ATP10B: variants seen among roughly 807,000 people sequenced by gnomAD.
ATP10B encodes the protein ATPase phospholipid transporting 10B (putative), also known as phospholipid-transporting ATPase VB.
ATP10B carries 122 observed loss-of-function variants against 141.2 expected under a neutral mutation model. The observed-to-expected ratio is 0.86, with a 90% confidence interval of 0.75 to 1.00. The LOEUF is 1.00. Among genes scored for constraint, ATP10B ranks in the 50% least tolerant of loss-of-function variants. ATP10B has a pLI of 0.00. For missense variants in ATP10B, 1,876 were observed against 1,825.3 expected (o/e 1.03, Z -0.51); for synonymous variants, 685 against 692.0 (o/e 0.99, Z 0.16).
chr5:160,759,748 C>T (rs983588230), intron 2 of ATP10B, among the ~76,000 whole-genome samples: 11 of 152,230 alleles, frequency 7.2e-5, no homozygotes, highest in African/African-American at 2.7e-4. Flanking sequence ...ACTTTTCATT[C>T]CTTACATTCC....
At chr5:160,649,491 T>C (rs1760547289) in intron 7 of ATP10B, among the ~76,000 whole-genome samples, 1 of 152,212 alleles carries the variant, frequency 6.6e-6, no homozygotes, top group Non-Finnish European at 1.5e-5. Context: ...CCTGATTGCA[T>C]TTCTCTGACC....
intron 1 of ATP10B, among the ~76,000 whole-genome samples, chr5:160,787,076 A>G (rs1466759749): frequency 1.3e-5 from 2 of 150,050 alleles, no homozygotes; most frequent in Non-Finnish European, 3.0e-5. Context: ...CCATAGCCCA[A>G]ATCCTGCTCC....
intron 1 of ATP10B, among the ~76,000 whole-genome samples, chr5:160,808,793 T>C (rs1772954253): frequency 6.6e-6 from 1 of 152,194 alleles, no homozygotes; most frequent in Admixed American, 6.5e-5. Flanking sequence ...TTTCTAGGGC[T>C]GCCATAACAA....
chr5:160,633,689 T>G (rs377263073), intron 12 of ATP10B: 2 of 158,258 alleles, frequency 1.3e-5, no homozygotes, highest in East Asian at 1.8e-4. Flanking sequence ...ATCCCAGAAC[T>G]TAAAGTATTG....
chr5:160,911,735 G>A, the ATP10B span, among the ~76,000 whole-genome samples: 1 of 152,150 alleles, frequency 6.6e-6, no homozygotes. Context: ...GGGGAAGGGG[G>A]TCATCAGAGG....
chr5:160,680,665 T>A (rs1270939654), intron 6 of ATP10B, among the ~76,000 whole-genome samples: 1 of 152,190 alleles, frequency 6.6e-6, no homozygotes, highest in Admixed American at 6.5e-5. Flanking sequence ...ATCTTATTTT[T>A]AAAAAAACTT....
At chr5:160,590,993 C>G (rs1480717438) in intron 23 of ATP10B, 66 bp downstream of exon 23, 2 of 1,394,530 alleles carry the variant, frequency 1.4e-6, no homozygotes, top group Non-Finnish European at 2.0e-6. Flanking sequence ...TGGTCTGGAA[C>G]TTTATATAAA....
At position 160,640,850 on chromosome 5, in the gene ATP10B, G is replaced by T. The variant is rs541771437; in HGVS notation, c.869-258C>A. Among the ~76,000 whole-genome samples, 25 of 152,330 alleles carry T rather than the reference G, an allele frequency of 1.6e-4. 1 individual carries two copies. In the South Asian group the frequency reaches 5.0e-3, roughly 30 times the overall value. On this transcript the variant is annotated intron_variant, in intron 9 of 25. Transcript: ENST00000327245. ...GAGAGAGCTCCCATGCACAGGCTAT[G>T]CCCTGTACAACTTTAGAGCGTAGCC...
At chr5:160,616,417 G>A (rs1581205923) in intron 16 of ATP10B, among the ~76,000 whole-genome samples, 1 of 152,184 alleles carries the variant, frequency 6.6e-6, no homozygotes, top group Non-Finnish European at 1.5e-5. Flanking sequence ...CAATGACAGA[G>A]GGTCAATCAT....
At chr5:160,580,526 G>A (rs1755475444) in intron 24 of ATP10B, among the ~76,000 whole-genome samples, 1 of 152,112 alleles carries the variant, frequency 6.6e-6, no homozygotes, top group African/African-American at 2.4e-5. Context: ...GATTGTGGGT[G>A]GATAAGCTTT....
chr5:160,593,910 G>T (rs1046337309), intron 22 of ATP10B, among the ~76,000 whole-genome samples: 3 of 152,196 alleles, frequency 2.0e-5, no homozygotes, highest in African/African-American at 7.2e-5. Context: ...ACGTCTGATT[G>T]GTGTACCTGA....
At chr5:160,866,804 C>T in the ATP10B span, among the ~76,000 whole-genome samples, 3 of 151,924 alleles carry the variant, frequency 2.0e-5, no homozygotes, top group African/African-American at 4.8e-5. Context: ...GCTTGGGTGG[C>T]GGGTGCACCA....
chr5:160,743,029 G>A (rs972053356), intron 2 of ATP10B, among the ~76,000 whole-genome samples: 3 of 152,190 alleles, frequency 2.0e-5, no homozygotes, highest in African/African-American at 7.2e-5. Flanking sequence ...GTAATAGTGT[G>A]TATTTAATGC....
At chr5:160,719,244 C>T (rs1268712567) in intron 2 of ATP10B, among the ~76,000 whole-genome samples, 1 of 152,040 alleles carries the variant, frequency 6.6e-6, no homozygotes, top group Non-Finnish European at 1.5e-5. Context: ...ACTAAAAATA[C>T]AAAAAATTAG....
intron 3 of ATP10B, among the ~76,000 whole-genome samples, chr5:160,709,839 C>A (rs1236342644): frequency 9.5e-5 from 11 of 115,344 alleles, no homozygotes; most frequent in Non-Finnish European, 1.8e-4. Flanking sequence ...CAATTCCCAC[C>A]TATGAGTGAG....
At chr5:160,634,933 CT>C (rs987244396) in intron 11 of ATP10B, among the ~76,000 whole-genome samples, 2 of 152,190 alleles carry the variant, frequency 1.3e-5, no homozygotes, top group African/African-American at 4.8e-5. Flanking sequence ...CTGCTGCCCG[CT>C]TTTATAGGTA....
intron 2 of ATP10B, among the ~76,000 whole-genome samples, chr5:160,773,244 A>G (rs1256034526): frequency 6.6e-6 from 1 of 152,204 alleles, no homozygotes; most frequent in Non-Finnish European, 1.5e-5. Flanking sequence ...CATGTTGAAA[A>G]ATAGTCGTAG....
intron 3 of ATP10B, among the ~76,000 whole-genome samples, chr5:160,714,839 G>C (rs1581401328): frequency 6.8e-6 from 1 of 147,762 alleles, no homozygotes; most frequent in African/African-American, 2.6e-5. Flanking sequence ...TAACAGACAG[G>C]ACCCTCAGCT....
rs1759174250 is a variant in ATP10B at position 160,634,240 on chromosome 5, A to G, written c.1381+114T>C. The G allele has an allele frequency of 2.7e-6, 4 of 1,484,762 alleles. No individual in the cohort carries two copies. In the East Asian group the frequency reaches 9.0e-5, roughly 34 times the overall value. 92.0% of individuals were successfully genotyped at this position (1,484,762 alleles called of 1,614,324 possible). A position where few individuals can be genotyped will look rare whatever the true frequency, so the allele number is the denominator to read the frequency against. The stretch of plus-strand genomic sequence containing the variant: ...AGGGATACAGGAAGCAACTTGTGGA[A>G]ATGCCACACAGCCTCTAAGAGAGCC... On this transcript the variant is annotated intron_variant, in intron 12 of 25. Transcript: ENST00000327245.
Sources: gnomAD v4.1 joint callset for allele counts (sites outside exome capture counted in the v4.1 genomes callset) on GRCh38, gnomAD v4.1.1 for gene constraint, MANE v1.5 for transcripts, NCBI Gene and HGNC (gene_info 2026-07-23, HGNC 2026-07-21) for gene names.